The following G3BP2 variants were observed in gnomAD, a reference collection of about 807,000 sequenced individuals.
G3BP2 encodes the protein ras GTPase-activating protein-binding protein 2.
A neutral mutation model predicts 56.7 loss-of-function variants in G3BP2; 11 were observed. That is an observed-to-expected ratio of 0.19 (90% confidence interval 0.12 to 0.32). The LOEUF is 0.32. Among genes scored for constraint, G3BP2 ranks in the 10% least tolerant of loss-of-function variants. The pLI is 1.00. For synonymous variants in G3BP2, 165 were observed against 191.6 expected, an observed-to-expected ratio of 0.86 and a Z score of 1.15; for missense variants, 340 against 610.9, an observed-to-expected ratio of 0.56 and a Z score of 4.67.
At chr4:75,715,161 C>T (rs1719887430) in intron 3 of G3BP2, among the ~76,000 whole-genome samples, 2 of 152,144 alleles carry the variant, frequency 1.3e-5, no homozygotes, top group Non-Finnish European at 2.9e-5. Context: ...CAGTCCAGAA[C>T]GAAAAACACA....
intron 3 of G3BP2, among the ~76,000 whole-genome samples, chr4:75,713,340 A>C (rs930590116): frequency 5.9e-5 from 9 of 152,232 alleles, no homozygotes; most frequent in Admixed American, 5.9e-4. Flanking sequence ...AAGGATGCTA[A>C]AATTGGAGAG....
rs758475466 is a variant in G3BP2, at chr4:75,655,089, A to G, written c.703T>C (p.Ser235Pro). The change falls in exon 7 of 12, where the codon TCT becomes CCT. Residue 235 changes from serine (S) to proline (P), a missense_variant. By Grantham distance (74) the Ser-to-Pro change is moderately conservative (BLOSUM62 -1). Transcript: ENST00000359707. ...STTPPPAEPV[S>P]LPQEPPKAFS... ...ACCTTTGGTGGTTCTTGTGGCAGAG[A>G]AACAGGTTCTGCCGGAGGAGGAGTA... is the stretch of plus-strand genomic sequence containing the variant. 2 of 1,612,162 alleles carry G rather than the reference A, an allele frequency of 1.2e-6. No homozygotes were observed. The highest frequency in any genetic ancestry group is 1.7e-6 in the Non-Finnish European group (2 of 1,179,208).
intron 2 of G3BP2, 108 bp from the exon 3 acceptor site, chr4:75,659,032 T>G: frequency 1.2e-6 from 1 of 824,592 alleles, no homozygotes; most frequent in Non-Finnish European, 2.1e-6. Flanking sequence ...CACTAATTAG[T>G]TGCGTGATCT....
intron 1 of G3BP2, among the ~76,000 whole-genome samples, chr4:75,666,632 T>C (rs1215740080): frequency 2.0e-5 from 3 of 151,968 alleles, no homozygotes; most frequent in Admixed American, 6.6e-5. Flanking sequence ...ACTATGAAAA[T>C]TGAGTAAGTA....
chr4:75,674,720 T>TA (rs33996257), upstream of G3BP2, among the ~76,000 whole-genome samples: 125 of 54,588 alleles, frequency 2.3e-3, no homozygotes, highest in Middle Eastern at 9.4e-3. Context: ...ATATATATAT[T>TA]TTTTTTTTTT....
chr4:75,679,498 G>A (rs1218971211), intron 3 of G3BP2, among the ~76,000 whole-genome samples: 1 of 152,174 alleles, frequency 6.6e-6, no homozygotes, highest in East Asian at 1.9e-4. Flanking sequence ...ATCCAGAAAA[G>A]TGCATGAAAT....
chr4:75,689,151 C>A (rs573312749), intron 3 of G3BP2, among the ~76,000 whole-genome samples: 11 of 152,190 alleles, frequency 7.2e-5, no homozygotes, highest in South Asian at 6.2e-4. Flanking sequence ...GGGAGGCGGG[C>A]GGATCACTTG....
At chr4:75,680,730 G>C (rs1352224123) in intron 3 of G3BP2, among the ~76,000 whole-genome samples, 1 of 152,178 alleles carries the variant, frequency 6.6e-6, no homozygotes, top group African/African-American at 2.4e-5. Context: ...ACTTTGGGAG[G>C]CTGAGGCGGG....
chr4:75,648,493 T>C, intron 9 of G3BP2, 146 bp downstream of exon 9: 2 of 455,656 alleles, frequency 4.4e-6, no homozygotes, highest in Non-Finnish European at 7.9e-6. Flanking sequence ...CCAGACACTA[T>C]TTAGCAGGTT....
chr4:75,722,047 G>A (rs2149125995), intron 2 of G3BP2, among the ~76,000 whole-genome samples: 1 of 152,118 alleles, frequency 6.6e-6, no homozygotes, highest in Admixed American at 6.6e-5. Context: ...TATACTAGAT[G>A]ATTAAAGGAT....
At position 75,655,756 on chromosome 4, in the gene G3BP2, T is replaced by C. The variant is rs1560615551; in HGVS notation, c.545+12A>G. The C allele has an allele frequency of 7.2e-7, 1 of 1,397,052 alleles. No homozygotes were observed. The highest frequency in any genetic ancestry group is 2.3e-5 in the East Asian group (1 of 43,896). 86.5% of individuals were successfully genotyped at this position (1,397,052 alleles called of 1,614,324 possible). On this transcript the variant is annotated intron_variant, in intron 6 of 11. Coordinates refer to ENST00000359707, the MANE Select transcript of G3BP2 (RefSeq NM_203505.3). ...TTCAGACCAAATTTAACCTTGCAAATAGTATGCTTACGTCACAGGGTGAGC... is the reference window on the plus strand; with the variant it reads ...TTCAGACCAAATTTAACCTTGCAAACAGTATGCTTACGTCACAGGGTGAGC...
At chr4:75,717,566 T>A (rs997628178) in intron 3 of G3BP2, among the ~76,000 whole-genome samples, 1 of 152,184 alleles carries the variant, frequency 6.6e-6, no homozygotes, top group Non-Finnish European at 1.5e-5. Flanking sequence ...TACTCTAAAA[T>A]CATAGCTTGC....
chr4:75,663,394 A>G (rs1732724855), intron 1 of G3BP2, among the ~76,000 whole-genome samples: 1 of 152,060 alleles, frequency 6.6e-6, no homozygotes, highest in Non-Finnish European at 1.5e-5. Context: ...AAATCTCCTG[A>G]GTGGCTGGGA....
intron 7 of G3BP2, 58 bp from the exon 8 acceptor site, chr4:75,654,139 TA>T (rs1342977613): frequency 2.7e-5 from 21 of 792,208 alleles, no homozygotes; most frequent in Admixed American, 5.9e-5. Flanking sequence ...AACATTCCTA[TA>T]GGGAAACTTC....
At chr4:75,691,735 G>A (rs1290590695) in intron 3 of G3BP2, among the ~76,000 whole-genome samples, 1 of 152,156 alleles carries the variant, frequency 6.6e-6, no homozygotes, top group East Asian at 1.9e-4. Context: ...TGATGCCCGA[G>A]TCCTACCTCT....
In G3BP2 at chr4:75,648,836, G is replaced by A. The variant is rs1204570885; in HGVS notation, c.826-95C>T. On this transcript the variant is annotated intron_variant, in intron 8 of 11. Transcript: ENST00000359707. ...CGACAAGTCACTAGCAGACATAACA[G>A]TAGTTTTAAGTTTAGAATGTTTTTA... The A allele has an allele frequency of 6.1e-6, 4 of 659,854 alleles. No homozygotes were observed. In the East Asian group the frequency reaches 1.1e-4, roughly 18 times the overall value. The allele number at this position is 659,854 out of a possible 1,614,324, so 40.9% of individuals were successfully genotyped here. A position where few individuals can be genotyped will look rare whatever the true frequency, so the allele number is the denominator to read the frequency against.
chr4:75,648,453 C>A (rs1560609993), intron 9 of G3BP2, among the ~76,000 whole-genome samples, 186 bp downstream of exon 9: 1 of 151,944 alleles, frequency 6.6e-6, no homozygotes, highest in African/African-American at 2.4e-5. Flanking sequence ...GCATGTCAAC[C>A]AATCCTCCCT....
chr4:75,681,803 C>G (rs532621379), intron 3 of G3BP2, among the ~76,000 whole-genome samples: 92 of 148,680 alleles, frequency 6.2e-4, no homozygotes, highest in African/African-American at 2.2e-3. Context: ...GAGCCAAGAT[C>G]GCACCACTGC....
chr4:75,684,369 C>T (rs1486934366), intron 3 of G3BP2, among the ~76,000 whole-genome samples: 2 of 151,890 alleles, frequency 1.3e-5, no homozygotes, highest in African/African-American at 4.8e-5. Flanking sequence ...CACACCACTG[C>T]ACTCTGGCCT....
Sources: allele counts gnomAD v4.1 joint callset (sites outside exome capture counted in the v4.1 genomes callset), GRCh38; gene constraint gnomAD v4.1.1; transcripts MANE v1.5; gene names NCBI Gene and HGNC (gene_info 2026-07-23, HGNC 2026-07-21).